SETD7: variants seen among roughly 807,000 people sequenced by gnomAD.
SETD7 encodes the protein SET domain containing 7, histone lysine methyltransferase.
SETD7 carries 16 observed loss-of-function variants against 41.8 expected under a neutral mutation model. That is an observed-to-expected ratio of 0.38 (90% confidence interval 0.26 to 0.58). The LOEUF (loss-of-function observed/expected upper bound fraction) is 0.58, where lower values mean the gene tolerates loss of function less well. Ranked by LOEUF, SETD7 falls within the 20% of genes least tolerant of loss-of-function variation. SETD7 has a pLI of 0.64. For missense variants in SETD7, 346 were observed against 459.7 expected, an observed-to-expected ratio of 0.75 and a Z score of 2.26; for synonymous variants, 163 against 169.7, an observed-to-expected ratio of 0.96 and a Z score of 0.31.
rs1273344593 is a variant in SETD7, at chr4:139,547,006, G to A, written c.84C>T (p.Val28=). The change falls in exon 2 of 8, where the codon GTC becomes GTT. Residue 28 remains valine (V), a synonymous_variant. Transcript: ENST00000274031. Reference sequence around the variant, plus strand: ...CAAATCTGTCTGTGGAGGAGTAGGTGACTGTGCAGAACCCGTGCGGTAATC... The same window carrying A: ...CAAATCTGTCTGTGGAGGAGTAGGTAACTGTGCAGAACCCGTGCGGTAATC... ...DDGLPHGFCT[V]TYSSTDRFEG... 1 of 1,614,154 alleles carries A rather than the reference G, an allele frequency of 6.2e-7. No homozygotes were observed. The highest frequency in any genetic ancestry group is 8.5e-7 in the Non-Finnish European group (1 of 1,180,016).
chr4:139,528,028 GT>G (rs201470323), intron 4 of SETD7, among the ~76,000 whole-genome samples: 7 of 152,012 alleles, frequency 4.6e-5, no homozygotes. Flanking sequence ...TGTCTTTTCT[GT>G]TTTTTTCTCC....
intron 7 of SETD7, among the ~76,000 whole-genome samples, chr4:139,515,448 T>C (rs1726999792): frequency 6.6e-6 from 1 of 152,232 alleles, no homozygotes; most frequent in Non-Finnish European, 1.5e-5. Context: ...AGAAAAATCA[T>C]GTCCTTGCAA....
intron 1 of SETD7, among the ~76,000 whole-genome samples, chr4:139,552,536 T>C (rs558664052): frequency 9.2e-5 from 14 of 152,004 alleles, no homozygotes; most frequent in African/African-American, 3.4e-4. Flanking sequence ...GATCCTGTCA[T>C]TCCCTTTTCT....
At position 139,520,376 on chromosome 4, in the gene SETD7, A is replaced by G; in HGVS notation, c.663T>C (p.Ser221=). 1 of 1,604,978 alleles carries G rather than the reference A, an allele frequency of 6.2e-7. No homozygotes were observed. Among genetic ancestry groups the G allele is most frequent in the South Asian group, 1.1e-5 (1 of 89,382 alleles). ...YESERVYVAE[S]LISSAGEGLF... ...GTCCTTCTCCAGCACTGGAAATAAGAGATTCAGCAACATAAACCCTAAATT... is the reference window on the plus strand; with the variant it reads ...GTCCTTCTCCAGCACTGGAAATAAGGGATTCAGCAACATAAACCCTAAATT... Residue 221 remains serine (S), a synonymous_variant, in exon 6 of 8, where the codon TCT becomes TCC. Coordinates refer to ENST00000274031, the MANE Select transcript of SETD7 (RefSeq NM_030648.4).
At chr4:139,535,561 T>C (rs1176425827) in intron 2 of SETD7, among the ~76,000 whole-genome samples, 1 of 152,094 alleles carries the variant, frequency 6.6e-6, no homozygotes, top group Non-Finnish European at 1.5e-5. Context: ...AGACAAAAAA[T>C]AATATGGACT....
chr4:139,499,099 A>G (rs1243637351), intron 7 of SETD7, among the ~76,000 whole-genome samples: 2 of 152,234 alleles, frequency 1.3e-5, no homozygotes, highest in Non-Finnish European at 2.9e-5. Context: ...TTGTTTGACT[A>G]TAGTCAGAAG....
downstream of SETD7, among the ~76,000 whole-genome samples, chr4:139,503,034 G>T (rs11944978): frequency 5.8e-3 from 880 of 151,722 alleles, 5 homozygotes; most frequent in East Asian, 0.037. Context: ...AAAAATTAGC[G>T]GGGCATGGCA....
At chr4:139,517,589 G>T (rs916854229) in intron 7 of SETD7, among the ~76,000 whole-genome samples, 4 of 151,448 alleles carry the variant, frequency 2.6e-5, no homozygotes, top group Admixed American at 1.3e-4. Flanking sequence ...TCCAAAACGA[G>T]AAAACTGAAG....
Position 139,523,443 on chromosome 4 carries a change from G to T in SETD7, c.563-8C>A. The T allele has an allele frequency of 6.2e-7, 1 of 1,604,438 alleles. No individual in the cohort carries two copies. The highest frequency in any genetic ancestry group is 8.5e-7 in the Non-Finnish European group (1 of 1,171,504). On this transcript the variant is annotated splice_polypyrimidine_tract_variant and splice_region_variant and intron_variant, in intron 4 of 7. Transcript: ENST00000274031. ...CAAAGTGGTACACTGAATCTGAAAAGCAAACAAAAATACCAGTATAGGTGC... is the reference window on the plus strand; with the variant it reads ...CAAAGTGGTACACTGAATCTGAAAATCAAACAAAAATACCAGTATAGGTGC...
rs985089642 is a variant in SETD7, at chr4:139,523,850, T to A, written c.563-415A>T. Among the ~76,000 whole-genome samples, 3 of 152,170 alleles carry A rather than the reference T, an allele frequency of 2.0e-5. No individual in the cohort carries two copies. The South Asian group carries it at 6.2e-4, about 32-fold the overall frequency. On this transcript the variant is annotated intron_variant, in intron 4 of 7. Coordinates refer to ENST00000274031, the MANE Select transcript of SETD7 (RefSeq NM_030648.4). ...TCCAACAACTGAACACTGGCAGTTG[T>A]CTCCTTCACTAAGAATAAAATTCTG...
chr4:139,550,056 A>AC, intron 1 of SETD7, among the ~76,000 whole-genome samples: 1 of 151,706 alleles, frequency 6.6e-6, no homozygotes, highest in South Asian at 2.1e-4. Context: ...CTAATTAAAA[A>AC]TTTTTTTTTA....
rs756703558 is a variant in SETD7 at position 139,556,120 on chromosome 4, C to G, written c.18G>C (p.Glu6Asp). The change falls in exon 1 of 8, where the codon GAG (glutamate) becomes GAC (aspartate). Residue 6 changes from glutamate (E) to aspartate (D), a missense_variant. Physicochemically the swap from Glu to Asp is conservative, Grantham distance 45. Transcript: ENST00000274031. Reference protein sequence around the residue: MDSDDEMVEEAVEGHL... With the variant: MDSDDDMVEEAVEGHL... ...TACCTTCCACCGCCTCCTCCACCATCTCGTCGTCGCTATCCATGGCGGCTG... is the reference window on the plus strand; with the variant it reads ...TACCTTCCACCGCCTCCTCCACCATGTCGTCGTCGCTATCCATGGCGGCTG... The G allele has an allele frequency of 1.2e-6, 2 of 1,603,648 alleles. No homozygotes were observed. Among genetic ancestry groups the G allele is most frequent in the Non-Finnish European group, 1.7e-6 (2 of 1,175,706 alleles).
downstream of SETD7, among the ~76,000 whole-genome samples, chr4:139,495,300 T>C (rs538462629): frequency 5.3e-5 from 8 of 152,322 alleles, no homozygotes; most frequent in South Asian, 8.3e-4. Context: ...TGTCTTCTTT[T>C]AGAGGTTATA....
intron 2 of SETD7, among the ~76,000 whole-genome samples, chr4:139,535,258 G>A (rs1727606532): frequency 6.6e-6 from 1 of 152,186 alleles, no homozygotes; most frequent in South Asian, 2.1e-4. Flanking sequence ...TCCCAGCTAA[G>A]TTTGAATTTC....
chr4:139,511,615 T>C lies in SETD7; in HGVS notation c.*48A>G. ...CCCATTGTCAGATAAACGTAGTGCATAGATCCAAGTTTCTATTCCAGGTCT... is the reference window on the plus strand; with the variant it reads ...CCCATTGTCAGATAAACGTAGTGCACAGATCCAAGTTTCTATTCCAGGTCT... On this transcript the variant is annotated 3_prime_UTR_variant, in exon 8 of 8. Transcript: ENST00000274031. 2 of 1,611,798 alleles carry C rather than the reference T, an allele frequency of 1.2e-6. No individual in the cohort carries two copies. The highest frequency in any genetic ancestry group is 1.7e-6 in the Non-Finnish European group (2 of 1,179,602).
At chr4:139,553,473 A>C (rs1429398361) in intron 1 of SETD7, among the ~76,000 whole-genome samples, 1 of 152,204 alleles carries the variant, frequency 6.6e-6, no homozygotes, top group Non-Finnish European at 1.5e-5. Flanking sequence ...GTGTTTCATA[A>C]ATTTGACTAA....
intron 7 of SETD7, among the ~76,000 whole-genome samples, chr4:139,515,120 C>T (rs1025884271): frequency 7.2e-6 from 1 of 138,120 alleles, no homozygotes. Flanking sequence ...GAGCTGAGAT[C>T]GCACCATTGC....
At chr4:139,496,852 C>CTTAGA (rs146762785) in intron 7 of SETD7, among the ~76,000 whole-genome samples, 1 of 152,204 alleles carries the variant, frequency 6.6e-6, no homozygotes, top group African/African-American at 2.4e-5. Flanking sequence ...GTAAATCGTA[C>CTTAGA]TTAGATAAGT....
intron 2 of SETD7, among the ~76,000 whole-genome samples, chr4:139,538,053 C>CA (rs142257387): frequency 6.6e-6 from 1 of 151,020 alleles, no homozygotes; most frequent in Non-Finnish European, 1.5e-5. Flanking sequence ...AAAGCATCAT[C>CA]AAAAAAAAGC....
Sources: allele counts gnomAD v4.1 joint callset (sites outside exome capture counted in the v4.1 genomes callset), GRCh38; gene constraint gnomAD v4.1.1; transcripts MANE v1.5; gene names NCBI Gene and HGNC (gene_info 2026-07-23, HGNC 2026-07-21).